PIK3C2G: variants seen among roughly 807,000 people sequenced by gnomAD.
PIK3C2G encodes phosphatidylinositol 3-kinase C2 domain-containing subunit gamma.
A neutral mutation model predicts 181.1 loss-of-function variants in PIK3C2G; 168 were observed. The observed-to-expected ratio is 0.93, with a 90% CI of 0.82 to 1.05. The LOEUF is 1.05. Ranked by LOEUF, PIK3C2G falls within the 50% of genes least tolerant of loss-of-function variation. The pLI is 0.00. For missense variants in PIK3C2G, 1,869 were observed against 1,732.8 expected, an observed-to-expected ratio of 1.08 and a Z score of -1.40; for synonymous variants, 573 against 592.2, an observed-to-expected ratio of 0.97 and a Z score of 0.47.
intron 18 of PIK3C2G, among the ~76,000 whole-genome samples, chr12:18,481,459 T>C (rs536810084): frequency 1.3e-3 from 197 of 152,336 alleles, no homozygotes; most frequent in African/African-American, 4.6e-3. Flanking sequence ...TGTTGTGTAA[T>C]AGAACTCTTC....
At chr12:18,699,393 T>G in the PIK3C2G span, among the ~76,000 whole-genome samples, 3 of 152,290 alleles carry the variant, frequency 2.0e-5, no homozygotes, top group Admixed American at 1.3e-4. Context: ...CGTTTAGAAA[T>G]AGAGTGGATC....
chr12:18,306,133 C>G (rs989933110), intron 5 of PIK3C2G, among the ~76,000 whole-genome samples: 2 of 151,598 alleles, frequency 1.3e-5, no homozygotes, highest in Admixed American at 6.6e-5. Context: ...ACTATATGTA[C>G]GAAGAAAAAT....
chr12:18,497,796 C>G, intron 22 of PIK3C2G, 48 bp downstream of exon 22: 1 of 1,440,368 alleles, frequency 6.9e-7, no homozygotes. Context: ...TTATTTCACA[C>G]ATTCACTAGT....
At chr12:18,448,613 A>G (rs1272070475) in intron 18 of PIK3C2G, among the ~76,000 whole-genome samples, 1 of 152,102 alleles carries the variant, frequency 6.6e-6, no homozygotes, top group African/African-American at 2.4e-5. Context: ...TAGATCCCAC[A>G]TAAAAGTAAA....
At chr12:18,615,080 A>C (rs985802711) in intron 31 of PIK3C2G, among the ~76,000 whole-genome samples, 1 of 151,972 alleles carries the variant, frequency 6.6e-6, no homozygotes, top group Non-Finnish European at 1.5e-5. Flanking sequence ...CAAGCAGTGT[A>C]CACTGTACCC....
chr12:18,617,421 G>A (rs969502365), intron 31 of PIK3C2G, among the ~76,000 whole-genome samples: 1 of 151,964 alleles, frequency 6.6e-6, no homozygotes, highest in African/African-American at 2.4e-5. Context: ...TACCATGTAT[G>A]CCAAGAACTG....
chr12:18,662,106 T>C, the PIK3C2G span, among the ~76,000 whole-genome samples: 5 of 152,096 alleles, frequency 3.3e-5, no homozygotes, highest in South Asian at 2.1e-4. Flanking sequence ...ATGAGAACAA[T>C]AGACACTGGG....
intron 29 of PIK3C2G, among the ~76,000 whole-genome samples, chr12:18,571,591 G>A (rs918934167): frequency 6.6e-6 from 1 of 150,660 alleles, no homozygotes; most frequent in Admixed American, 6.6e-5. Context: ...TTTCACTAAC[G>A]TTCACGTGTC....
chr12:18,401,404 C>T (rs11044078), intron 16 of PIK3C2G, among the ~76,000 whole-genome samples: 36,422 of 151,910 alleles, frequency 0.24, 4,638 homozygotes, highest in Admixed American at 0.35. Flanking sequence ...AGGTCTCATT[C>T]CCAACATGAT....
At chr12:18,320,087 T>A (rs1320164664) in intron 6 of PIK3C2G, 1 of 152,194 alleles carries the variant, frequency 6.6e-6, no homozygotes, top group Non-Finnish European at 1.5e-5. Flanking sequence ...AGGTTTTCCT[T>A]CTGATGTTTT....
At chr12:18,445,218 A>G (rs1946959823) in intron 18 of PIK3C2G, among the ~76,000 whole-genome samples, 1 of 152,040 alleles carries the variant, frequency 6.6e-6, no homozygotes, top group African/African-American at 2.4e-5. Flanking sequence ...TAGGTGTTGT[A>G]TATCATCTTT....
intron 9 of PIK3C2G, among the ~76,000 whole-genome samples, chr12:18,340,567 A>G (rs1939040968): frequency 6.6e-6 from 1 of 152,198 alleles, no homozygotes; most frequent in Admixed American, 6.5e-5. Flanking sequence ...ACAAGCAGTT[A>G]TTACTCTTAA....
chr12:18,312,391 C>A (rs1014310420), intron 5 of PIK3C2G, among the ~76,000 whole-genome samples: 1 of 152,094 alleles, frequency 6.6e-6, no homozygotes, highest in Non-Finnish European at 1.5e-5. Flanking sequence ...CTTCAACATA[C>A]AGAGAAAAGG....
chr12:18,479,873 A>G (rs559899970), intron 18 of PIK3C2G, among the ~76,000 whole-genome samples: 1 of 152,280 alleles, frequency 6.6e-6, no homozygotes, highest in African/African-American at 2.4e-5. Context: ...CTCACCTAAC[A>G]AATGTAAGGG....
the PIK3C2G span, among the ~76,000 whole-genome samples, chr12:18,667,139 G>C: frequency 3.9e-5 from 6 of 152,138 alleles, no homozygotes; most frequent in African/African-American, 1.4e-4. Flanking sequence ...TATATTGAAA[G>C]GGGTCTCAAA....
chr12:18,256,781 C>T (rs950367068), upstream of PIK3C2G, among the ~76,000 whole-genome samples: 12 of 152,100 alleles, frequency 7.9e-5, no homozygotes, highest in African/African-American at 2.4e-4. Flanking sequence ...TGTGTTCTCT[C>T]CCACTCTCAA....
chr12:18,457,802 A>T (rs1015266081), intron 18 of PIK3C2G, among the ~76,000 whole-genome samples: 3 of 152,196 alleles, frequency 2.0e-5, no homozygotes, highest in African/African-American at 7.2e-5. Context: ...GTGAACAAAG[A>T]TAATATGGAC....
intron 13 of PIK3C2G, 99 bp from the exon 14 acceptor site, chr12:18,381,667 C>A (rs767279527): frequency 2.4e-5 from 17 of 704,350 alleles, no homozygotes; most frequent in Admixed American, 4.3e-5. Flanking sequence ...CCTGTAAGAG[C>A]GGATTATGTT....
chr12:18,554,605 GC>G (rs1304156037), intron 26 of PIK3C2G, among the ~76,000 whole-genome samples: 1 of 151,976 alleles, frequency 6.6e-6, no homozygotes, highest in East Asian at 1.9e-4. Flanking sequence ...GAATACATTA[GC>G]AATGATTGTC....
Sources: gnomAD v4.1 joint callset for allele counts (sites outside exome capture counted in the v4.1 genomes callset) on GRCh38, gnomAD v4.1.1 for gene constraint, MANE v1.5 for transcripts, NCBI Gene and HGNC (gene_info 2026-07-23, HGNC 2026-07-21) for gene names.